The following LRRC2 variants were observed in gnomAD, a reference collection of about 807,000 sequenced individuals.
LRRC2 encodes leucine rich repeat containing 2, also known as leucine-rich repeat-containing protein 2.
A neutral mutation model predicts 40.2 loss-of-function variants in LRRC2; 27 were observed. The ratio of observed to expected loss-of-function variants is 0.67; its 90% CI spans 0.49 to 0.93. LRRC2 has a LOEUF of 0.93. LRRC2 is among the 40% of genes least tolerant of loss of function. The pLI is 0.00. For synonymous variants in LRRC2, 147 were observed against 158.9 expected, an observed-to-expected ratio of 0.92 and a Z score of 0.56; for missense variants, 402 against 439.6, an observed-to-expected ratio of 0.91 and a Z score of 0.76.
chr3:46,543,407 G>A (rs1704439994), intron 3 of LRRC2, among the ~76,000 whole-genome samples: 1 of 152,062 alleles, frequency 6.6e-6, no homozygotes, highest in Non-Finnish European at 1.5e-5. Flanking sequence ...ACGAGGTCAG[G>A]AGATCGAGAC....
chr3:46,564,064 T>C (rs1490063314), intron 1 of LRRC2, among the ~76,000 whole-genome samples: 1 of 152,138 alleles, frequency 6.6e-6, no homozygotes, highest in African/African-American at 2.4e-5. Flanking sequence ...AGAAGCCTTG[T>C]CCATGACTCC....
intron 6 of LRRC2, 44 bp downstream of exon 6, chr3:46,529,861 T>C: frequency 1.9e-6 from 3 of 1,600,698 alleles, no homozygotes; most frequent in Non-Finnish European, 2.6e-6. Context: ...TTTGAAGCGT[T>C]AGTAACTAAT....
At chr3:46,554,136 C>T (rs1704733425) in intron 1 of LRRC2, among the ~76,000 whole-genome samples, 1 of 152,084 alleles carries the variant, frequency 6.6e-6, no homozygotes, top group African/African-American at 2.4e-5. Context: ...CCTCCTACCT[C>T]CACCTCCCAA....
At chr3:46,562,442 G>A (rs1704963840) in intron 1 of LRRC2, among the ~76,000 whole-genome samples, 2 of 152,300 alleles carry the variant, frequency 1.3e-5, no homozygotes, top group South Asian at 2.1e-4. Context: ...GATAATAAAT[G>A]TGTGTTATTC....
At position 46,521,620 on chromosome 3, in the gene LRRC2, T is replaced by C; in HGVS notation, c.968A>G (p.Gln323Arg). 1 of 1,613,008 alleles carries C rather than the reference T, an allele frequency of 6.2e-7. No individual in the cohort carries two copies. ...CATTATTTCATTGCCATCTTCACAT[T>C]GGGCATTATCAATAGGATTGTCCAT... ...SLMDNPIDNA[Q>R]CEDGNEIMES... The change falls in exon 8 of 9, where the codon CAA (glutamine) becomes CGA (arginine). Residue 323 changes from glutamine to arginine, a missense_variant. Coordinates refer to ENST00000395905, the MANE Select transcript of LRRC2 (RefSeq NM_024512.5).
chr3:46,529,125 A>G (rs946131965), intron 6 of LRRC2, among the ~76,000 whole-genome samples: 4 of 152,180 alleles, frequency 2.6e-5, no homozygotes, highest in Admixed American at 2.0e-4. Context: ...CAAAAAAAAA[A>G]AAAAATTGTA....
intron 1 of LRRC2, among the ~76,000 whole-genome samples, chr3:46,556,084 G>A (rs1044570942): frequency 1.3e-5 from 2 of 151,564 alleles, no homozygotes; most frequent in Non-Finnish European, 2.9e-5. Context: ...TCCTATAGGA[G>A]ATGCATCATT....
intron 2 of LRRC2, among the ~76,000 whole-genome samples, chr3:46,547,216 G>A (rs568697940): frequency 6.6e-6 from 1 of 152,240 alleles, no homozygotes; most frequent in African/African-American, 2.4e-5. Flanking sequence ...TTCAACTGAG[G>A]GAAGCTGGAA....
intron 1 of LRRC2, among the ~76,000 whole-genome samples, chr3:46,563,976 A>G (rs1036526020): frequency 2.0e-5 from 3 of 152,224 alleles, no homozygotes; most frequent in Non-Finnish European, 2.9e-5. Flanking sequence ...GAGCCAGTGT[A>G]CTTAGTTTGT....
rs999808470 is a variant in LRRC2 at position 46,531,157 on chromosome 3, T to C, written c.628-1107A>G. Among the ~76,000 whole-genome samples, 626 of 151,828 alleles carry C rather than the reference T, an allele frequency of 4.1e-3. 3 individuals carry two copies. Among genetic ancestry groups the C allele is most frequent in the African/African-American group, 0.015 (604 of 41,452 alleles). On this transcript the variant is annotated intron_variant, in intron 5 of 8. Coordinates refer to ENST00000395905, the MANE Select transcript of LRRC2 (RefSeq NM_024512.5). ...ATTCAACAATTATAGTTAGATTTTTTTTTTTTTTTTTGAGATGGCGTTTCA... is the reference window on the plus strand; with the variant it reads ...ATTCAACAATTATAGTTAGATTTTTCTTTTTTTTTTTGAGATGGCGTTTCA...
chr3:46,541,143 C>G (rs185658208), intron 3 of LRRC2, among the ~76,000 whole-genome samples: 139 of 152,054 alleles, frequency 9.1e-4, no homozygotes, highest in African/African-American at 3.2e-3. Flanking sequence ...ACCATCCTGG[C>G]TAACACAGTG....
chr3:46,558,221 C>T (rs1704854292), intron 1 of LRRC2: 1 of 152,264 alleles, frequency 6.6e-6, no homozygotes, highest in African/African-American at 2.4e-5. Flanking sequence ...CCTCCAGTGC[C>T]TTCTACTGAG....
intron 1 of LRRC2, 31 bp downstream of exon 1, chr3:46,566,146 C>G (rs1261866237): frequency 6.6e-6 from 1 of 152,440 alleles, no homozygotes; most frequent in East Asian, 1.9e-4. Flanking sequence ...CCGCTCCCGC[C>G]CCCCGGCCAC....
chr3:46,559,199 C>A (rs1042574300), intron 1 of LRRC2: 1 of 152,184 alleles, frequency 6.6e-6, no homozygotes, highest in African/African-American at 2.4e-5. Flanking sequence ...CTTTGGCTTT[C>A]GACTTAAAAG....
intron 7 of LRRC2, among the ~76,000 whole-genome samples, chr3:46,524,442 C>T (rs2106980612): frequency 6.6e-6 from 1 of 152,254 alleles, no homozygotes; most frequent in Middle Eastern, 3.4e-3. Context: ...TCCGTTTTTC[C>T]TCTTGTTTTA....
Position 46,539,183 on chromosome 3 carries a change from T to C in LRRC2, c.352A>G (p.Lys118Glu). Residue 118 changes from lysine to glutamate, a missense_variant, in exon 4 of 9, where the codon AAG becomes GAG. Lys to Glu is a moderately conservative substitution (Grantham distance 56). Transcript: ENST00000395905. ...EHWTELPDSL[K>E]EQTHLREWYI... ...CATTCTCTCAGGTGTGTCTGCTCCT[T>C]CAATGAATCTGGGAGCTCCTAAAAT... 8.1e-6 allele frequency: 13 copies of C among 1,613,828 alleles called. No homozygotes were observed. Among genetic ancestry groups the C allele is most frequent in the Non-Finnish European group, 1.1e-5 (13 of 1,179,874 alleles).
chr3:46,545,304 C>T, intron 2 of LRRC2, 51 bp from the exon 3 acceptor site: 1 of 1,553,084 alleles, frequency 6.4e-7, no homozygotes, highest in Non-Finnish European at 8.8e-7. Context: ...CTGGCCATCA[C>T]CTGCCTAGAG....
At chr3:46,539,745 G>A (rs1704345518) in intron 3 of LRRC2, among the ~76,000 whole-genome samples, 3 of 152,188 alleles carry the variant, frequency 2.0e-5, no homozygotes. Context: ...CCACCTCCCT[G>A]GGTCTCCACT....
intron 2 of LRRC2, 106 bp from the exon 3 acceptor site, chr3:46,545,359 CAGGCCTACGTA>C: frequency 1.1e-6 from 1 of 930,594 alleles, no homozygotes; most frequent in Non-Finnish European, 1.7e-6. Context: ...TTGTCATTCC[CAGGCCTACGTA>C]AGCACTCCCT....
Sources: gnomAD v4.1 joint callset for allele counts (sites outside exome capture counted in the v4.1 genomes callset) on GRCh38, gnomAD v4.1.1 for gene constraint, MANE v1.5 for transcripts, NCBI Gene and HGNC (gene_info 2026-07-23, HGNC 2026-07-21) for gene names.